The following CCL28 variants were observed in gnomAD, a reference collection of about 807,000 sequenced individuals.
The protein encoded by CCL28 is C-C motif chemokine 28.
Under a neutral mutation model 7.1 loss-of-function variants are expected in CCL28, and 4 were observed. That is an observed-to-expected ratio of 0.56 (90% confidence interval 0.28 to 1.29). CCL28 has a LOEUF of 1.29. Ranked by LOEUF, CCL28 falls within the 50% of genes most tolerant of loss-of-function variation. The probability of loss-of-function intolerance (pLI) is 0.11; values close to 1 mark genes in which losing one functional copy is unlikely to be tolerated. For synonymous variants in CCL28, 55 were observed against 57.8 expected (o/e 0.95, Z 0.22); for missense variants, 151 against 163.4 (o/e 0.92, Z 0.41).
At chr5:43,411,810 A>C (rs928270259) in intron 1 of CCL28, among the ~76,000 whole-genome samples, 3 of 152,192 alleles carry the variant, frequency 2.0e-5, no homozygotes, top group African/African-American at 7.2e-5. Context: ...GGAAATTTAC[A>C]ACTTACCTAA....
At chr5:43,375,855 C>T (rs1356557925), downstream of CCL28, among the ~76,000 whole-genome samples, 2 of 143,342 alleles carry the variant, frequency 1.4e-5, no homozygotes, top group Admixed American at 7.0e-5. Flanking sequence ...CTGAGGCGGG[C>T]GGACCCCGTC....
chr5:43,406,230 T>C (rs1030874354), intron 1 of CCL28, among the ~76,000 whole-genome samples: 6 of 152,096 alleles, frequency 3.9e-5, no homozygotes, highest in Non-Finnish European at 8.8e-5. Context: ...TTGATGAACA[T>C]CGATGCAAAA....
intron 1 of CCL28, among the ~76,000 whole-genome samples, chr5:43,392,896 T>C (rs1740634828): frequency 6.6e-6 from 1 of 152,194 alleles, no homozygotes; most frequent in Admixed American, 6.5e-5. Flanking sequence ...TCCCCCTTGG[T>C]AAGTGTATCT....
chr5:43,390,770 G>A (rs546752495), intron 1 of CCL28, among the ~76,000 whole-genome samples: 2 of 152,284 alleles, frequency 1.3e-5, no homozygotes, highest in South Asian at 4.1e-4. Context: ...CCTTCTCCAG[G>A]ACCCACTATT....
chr5:43,368,063 G>C, the CCL28 span, among the ~76,000 whole-genome samples: 1 of 152,162 alleles, frequency 6.6e-6, no homozygotes, highest in Non-Finnish European at 1.5e-5. Context: ...TCCTCTGCTG[G>C]ATTCCAGGCT....
chr5:43,359,132 G>C, the CCL28 span, among the ~76,000 whole-genome samples: 1 of 152,194 alleles, frequency 6.6e-6, no homozygotes, highest in Non-Finnish European at 1.5e-5. Flanking sequence ...TAAATGATAA[G>C]CTCCTGAGAC....
downstream of CCL28, among the ~76,000 whole-genome samples, chr5:43,376,465 TG>T (rs1561150637): frequency 1.3e-5 from 2 of 152,196 alleles, no homozygotes; most frequent in Admixed American, 6.5e-5. Context: ...TGTGAAACCC[TG>T]CCCTAAGCAA....
downstream of CCL28, among the ~76,000 whole-genome samples, chr5:43,378,197 T>A (rs1019027117): frequency 1.3e-5 from 2 of 151,382 alleles, no homozygotes; most frequent in Non-Finnish European, 2.9e-5. Context: ...AATAATTTTT[T>A]AAAAATAGCC....
chr5:43,369,612 C>T, the CCL28 span, among the ~76,000 whole-genome samples: 14 of 151,900 alleles, frequency 9.2e-5, no homozygotes, highest in South Asian at 6.2e-4. Context: ...TTTCAGTAGA[C>T]GGGGTTTCAC....
rs551193848 is a variant in CCL28, at chr5:43,380,040, G to A, written c.*1820C>T. 1 of 152,286 alleles carries A rather than the reference G, an allele frequency of 6.6e-6. No homozygotes were observed. The highest frequency in any genetic ancestry group is 1.9e-4 in the East Asian group (1 of 5,182). The allele number at this position is 152,286 out of a possible 1,614,324, so 9.4% of individuals were successfully genotyped here. On this transcript the variant is annotated 3_prime_UTR_variant, in exon 3 of 3. Coordinates refer to ENST00000361115, the MANE Select transcript of CCL28 (RefSeq NM_148672.3). ...GGAGGCTGAGGCAAGAGAATCACTTGAACGCGGGAGGCGGAGGTTGCAATG... is the reference window on the plus strand; with the variant it reads ...GGAGGCTGAGGCAAGAGAATCACTTAAACGCGGGAGGCGGAGGTTGCAATG...
the CCL28 span, among the ~76,000 whole-genome samples, chr5:43,364,083 A>G: frequency 2.0e-5 from 3 of 152,252 alleles, no homozygotes; most frequent in Non-Finnish European, 4.4e-5. Flanking sequence ...AATCTTATTT[A>G]TATATCTTCT....
At chr5:43,369,090 G>T in the CCL28 span, among the ~76,000 whole-genome samples, 296 of 145,162 alleles carry the variant, frequency 2.0e-3, no homozygotes, top group African/African-American at 7.1e-3. Context: ...GAGAGAACCA[G>T]TAAGACAAAG....
chr5:43,371,940 C>A (rs1739793065), downstream of CCL28, among the ~76,000 whole-genome samples: 1 of 152,208 alleles, frequency 6.6e-6, no homozygotes, highest in African/African-American at 2.4e-5. Flanking sequence ...TTGAGGATTT[C>A]AGGCTGCTTC....
the CCL28 span, among the ~76,000 whole-genome samples, chr5:43,359,177 T>C: frequency 6.6e-6 from 1 of 152,092 alleles, no homozygotes; most frequent in Non-Finnish European, 1.5e-5. Context: ...CCAGCGGTGC[T>C]AGAAGAATTA....
At chr5:43,409,616 G>T (rs1741451465) in intron 1 of CCL28, among the ~76,000 whole-genome samples, 1 of 152,076 alleles carries the variant, frequency 6.6e-6, no homozygotes, top group Admixed American at 6.6e-5. Flanking sequence ...AAACGTTTTA[G>T]GATGCAAGCA....
At chr5:43,407,576 G>A (rs550442413) in intron 1 of CCL28, among the ~76,000 whole-genome samples, 4 of 152,338 alleles carry the variant, frequency 2.6e-5, no homozygotes, top group Admixed American at 6.5e-5. Flanking sequence ...ACATGCCATA[G>A]GCATGGGCAA....
intron 1 of CCL28, among the ~76,000 whole-genome samples, chr5:43,405,677 A>G (rs1741246165): frequency 6.6e-6 from 1 of 152,356 alleles, no homozygotes; most frequent in Non-Finnish European, 1.5e-5. Context: ...AGACAAACAA[A>G]AAACCATTCA....
chr5:43,404,877 G>A (rs1741203202), intron 1 of CCL28, among the ~76,000 whole-genome samples: 1 of 152,164 alleles, frequency 6.6e-6, no homozygotes, highest in African/African-American at 2.4e-5. Context: ...TGATAAGACA[G>A]ACTTTAAACC....
chr5:43,382,097 T>C (rs751872724), intron 2 of CCL28, 45 bp from the exon 3 acceptor site: 6 of 1,550,740 alleles, frequency 3.9e-6, no homozygotes, highest in Middle Eastern at 1.7e-4. Context: ...ATAAAACATA[T>C]ATAAATAATC....
Sources: allele counts gnomAD v4.1 joint callset (sites outside exome capture counted in the v4.1 genomes callset), GRCh38; gene constraint gnomAD v4.1.1; transcripts MANE v1.5; gene names NCBI Gene and HGNC (gene_info 2026-07-23, HGNC 2026-07-21).